Variants in ZRANB3 observed in about 807,000 individuals in gnomAD.
ZRANB3 encodes the protein DNA annealing helicase and endonuclease ZRANB3.
ZRANB3 carries 125 observed loss-of-function variants against 133.8 expected under a neutral mutation model. The ratio of observed to expected loss-of-function variants is 0.93; its 90% CI spans 0.81 to 1.08. The LOEUF (loss-of-function observed/expected upper bound fraction) is 1.08. Ranked by LOEUF, ZRANB3 falls within the 50% of genes least tolerant of loss-of-function variation. The pLI is 0.00. For synonymous variants in ZRANB3, 387 were observed against 432.7 expected, an observed-to-expected ratio of 0.89 and a Z score of 1.31; for missense variants, 1,229 against 1,275.5, an observed-to-expected ratio of 0.96 and a Z score of 0.56.
At chr2:135,425,973 A>G (rs939624187) in intron 2 of ZRANB3, among the ~76,000 whole-genome samples, 13 of 152,056 alleles carry the variant, frequency 8.5e-5, no homozygotes, top group Non-Finnish European at 1.8e-4. Flanking sequence ...AAAAGAGAAG[A>G]TCCAAATAAA....
intron 2 of ZRANB3, among the ~76,000 whole-genome samples, chr2:135,407,843 C>A (rs1301297012): frequency 9.9e-6 from 1 of 100,790 alleles, no homozygotes; most frequent in Non-Finnish European, 1.7e-5. Flanking sequence ...TAAAGACTTA[C>A]CACGTTAGAC....
At chr2:135,480,963 C>T (rs1352946807) in intron 2 of ZRANB3, among the ~76,000 whole-genome samples, 2 of 149,638 alleles carry the variant, frequency 1.3e-5, no homozygotes, top group African/African-American at 5.0e-5. Context: ...TTTATGGCTG[C>T]ATAGTATTCC....
chr2:135,491,603 T>A (rs534090413), intron 2 of ZRANB3, among the ~76,000 whole-genome samples: 1 of 152,216 alleles, frequency 6.6e-6, no homozygotes, highest in Admixed American at 6.5e-5. Flanking sequence ...AACCTCCACC[T>A]CCCTGGTTCA....
intron 2 of ZRANB3, among the ~76,000 whole-genome samples, chr2:135,477,148 A>C (rs1005890268): frequency 2.6e-5 from 4 of 151,236 alleles, no homozygotes; most frequent in Non-Finnish European, 4.4e-5. Flanking sequence ...GTTGAAGTAT[A>C]GTATGTCTTT....
intron 2 of ZRANB3, among the ~76,000 whole-genome samples, chr2:135,466,308 G>C (rs1225245951): frequency 6.7e-6 from 1 of 148,282 alleles, no homozygotes; most frequent in Non-Finnish European, 1.5e-5. Flanking sequence ...GCTTGAACCC[G>C]GGAGTCGGAG....
chr2:135,447,768 T>C (rs528331857), intron 2 of ZRANB3, among the ~76,000 whole-genome samples: 1 of 152,330 alleles, frequency 6.6e-6, no homozygotes, highest in East Asian at 1.9e-4. Flanking sequence ...GTAAATTTGC[T>C]GAACCTTTTC....
At chr2:135,236,313 T>C (rs1026473728) in intron 12 of ZRANB3, among the ~76,000 whole-genome samples, 8 of 151,916 alleles carry the variant, frequency 5.3e-5, no homozygotes, top group African/African-American at 1.9e-4. Flanking sequence ...GGAAGAACAT[T>C]CCATGCTCAT....
intron 12 of ZRANB3, among the ~76,000 whole-genome samples, chr2:135,239,604 T>C (rs1047739033): frequency 2.0e-5 from 3 of 152,114 alleles, no homozygotes; most frequent in Non-Finnish European, 4.4e-5. Flanking sequence ...GTTATCTAAT[T>C]AGTTGTGAAA....
At chr2:135,366,705 G>GT (rs1277743090) in intron 3 of ZRANB3, among the ~76,000 whole-genome samples, 1 of 150,248 alleles carries the variant, frequency 6.7e-6, no homozygotes, top group African/African-American at 2.4e-5. Flanking sequence ...ATCAATTCTT[G>GT]TAAGTATTTA....
intron 8 of ZRANB3, among the ~76,000 whole-genome samples, chr2:135,278,501 G>A (rs1680945341): frequency 6.6e-6 from 1 of 152,100 alleles, no homozygotes; most frequent in Non-Finnish European, 1.5e-5. Flanking sequence ...AAGGAAAGAG[G>A]TAAAAATCTC....
intron 3 of ZRANB3, among the ~76,000 whole-genome samples, chr2:135,354,685 T>C (rs1685354058): frequency 6.6e-6 from 1 of 152,182 alleles, no homozygotes; most frequent in Admixed American, 6.5e-5. Context: ...AAAATCTACA[T>C]ACTCTATGAT....
At chr2:135,363,967 T>C (rs1685812034) in intron 3 of ZRANB3, among the ~76,000 whole-genome samples, 1 of 152,026 alleles carries the variant, frequency 6.6e-6, no homozygotes. Flanking sequence ...TCATAACTAC[T>C]GGGGAGGCTG....
At chr2:135,266,766 TA>T (rs1225504474) in intron 11 of ZRANB3, among the ~76,000 whole-genome samples, 538 of 140,144 alleles carry the variant, frequency 3.8e-3, no homozygotes, top group Admixed American at 3.9e-3. Context: ...CTCCATCTCT[TA>T]AAAAAAAAAA....
chr2:135,511,442 A>C, intron 1 of ZRANB3: 1 of 821,818 alleles, frequency 1.2e-6, no homozygotes, highest in South Asian at 1.3e-5. Context: ...CAGAATCATC[A>C]GGTACCACCT....
chr2:135,316,960 G>A (rs1159871107), intron 6 of ZRANB3, among the ~76,000 whole-genome samples: 6 of 118,144 alleles, frequency 5.1e-5, no homozygotes, highest in South Asian at 2.9e-4. Context: ...GCGAGATTCC[G>A]TCTCGAGAAA....
intron 3 of ZRANB3, among the ~76,000 whole-genome samples, chr2:135,365,353 A>G (rs1369006309): frequency 6.6e-6 from 1 of 152,224 alleles, no homozygotes. Context: ...GACTAATTTC[A>G]GAAGTTTAAT....
chr2:135,249,840 C>G (rs1251799304), intron 12 of ZRANB3, among the ~76,000 whole-genome samples: 2 of 152,132 alleles, frequency 1.3e-5, no homozygotes, highest in Non-Finnish European at 1.5e-5. Context: ...CTTTTTCTAC[C>G]CAGTCTCAAG....
intron 1 of ZRANB3, among the ~76,000 whole-genome samples, chr2:135,526,107 G>C (rs1485326723): frequency 7.3e-5 from 11 of 150,110 alleles, no homozygotes; most frequent in African/African-American, 2.7e-4. Flanking sequence ...AAAAGTTCTA[G>C]ATAGCTATTG....
intron 2 of ZRANB3, among the ~76,000 whole-genome samples, chr2:135,418,925 C>CT (rs769271961): frequency 0.045 from 3,860 of 85,788 alleles, 727 homozygotes; most frequent in East Asian, 0.33. Flanking sequence ...AGGATTCTCT[C>CT]TTTTTTTTTT....
Sources: allele counts gnomAD v4.1 joint callset (sites outside exome capture counted in the v4.1 genomes callset), GRCh38; gene constraint gnomAD v4.1.1; transcripts MANE v1.5; gene names NCBI Gene and HGNC (gene_info 2026-07-23, HGNC 2026-07-21).